Variants in RADIL observed in about 807,000 individuals in gnomAD.
The protein encoded by RADIL is Rap associating with DIL domain.
RADIL carries 99 observed loss-of-function variants against 97.6 expected under a neutral mutation model. The ratio of observed to expected loss-of-function variants is 1.01; its 90% CI spans 0.86 to 1.20. The LOEUF is 1.20. Among genes scored for constraint, RADIL ranks in the 50% most tolerant of loss-of-function variants. The pLI, the probability that RADIL is intolerant of heterozygous loss-of-function variation, is 0.00. For synonymous variants in RADIL, 803 were observed against 691.8 expected (o/e 1.16, Z -2.52); for missense variants, 1,765 against 1,498.9 (o/e 1.18, Z -2.93).
intron 10 of RADIL, chr7:4,805,349 G>A (rs564597187): frequency 1.2e-5 from 6 of 490,278 alleles, no homozygotes; most frequent in Middle Eastern, 5.5e-4. Context: ...ATGGACTCTC[G>A]GCTCCTTGAC....
At chr7:4,852,318 G>A (rs915066820) in intron 2 of RADIL, among the ~76,000 whole-genome samples, 1 of 152,180 alleles carries the variant, frequency 6.6e-6, no homozygotes, top group Non-Finnish European at 1.5e-5. Flanking sequence ...AGGACAGAGG[G>A]CAGAGCTGAG....
Position 4,834,587 on chromosome 7 carries a change from G to T in RADIL, c.1416+20C>A. On this transcript the variant is annotated intron_variant, in intron 4 of 14. Transcript: ENST00000399583. The surrounding 1 kb of genome is among the most constrained non-coding windows in gnomAD (Gnocchi z 6.0). Reference sequence around the variant, plus strand: ...CCCAGACCGGCACAGGACCCAGACCGCCCACCCCAGCACACTGACCCAGAC... The same window carrying T: ...CCCAGACCGGCACAGGACCCAGACCTCCCACCCCAGCACACTGACCCAGAC... 7.6e-7 allele frequency: 1 copy of T among 1,316,134 alleles called. No homozygotes were observed. Among genetic ancestry groups the T allele is most frequent in the East Asian group, 2.8e-5 (1 of 35,424 alleles). The allele number at this position is 1,316,134 out of a possible 1,614,324, so 81.5% of individuals were successfully genotyped here. A position where few individuals can be genotyped will look rare whatever the true frequency, so the allele number is the denominator to read the frequency against.
chr7:4,835,121 C>T lies in RADIL; in HGVS notation c.902G>A (p.Arg301His), dbSNP rs373811916. 3 of 1,609,100 alleles carry T rather than the reference C, an allele frequency of 1.9e-6. No homozygotes were observed. The highest frequency in any genetic ancestry group is 2.7e-5 in the African/African-American group (2 of 74,864). Residue 301 changes from arginine (R) to histidine (H), a missense_variant, in exon 4 of 15, where the codon CGC (arginine) becomes CAC (histidine). By Grantham distance (29) the Arg-to-His change is conservative. Coordinates refer to ENST00000399583, the MANE Select transcript of RADIL (RefSeq NM_018059.5). The surrounding 1 kb of genome is among the most constrained non-coding windows in gnomAD (Gnocchi z 5.8). ...PDILPLHCTI[R>H]RQPLPDSGQA... is the part of the protein sequence containing the mutation. ...GCCGCTGTCCGGGAGCGGTTGCCGGCGGATGGTGCAGTGTAGAGGCAGGAT... is the reference window on the plus strand; with the variant it reads ...GCCGCTGTCCGGGAGCGGTTGCCGGTGGATGGTGCAGTGTAGAGGCAGGAT...
At chr7:4,869,643 G>A (rs775246412) in intron 2 of RADIL, among the ~76,000 whole-genome samples, 1 of 151,800 alleles carries the variant, frequency 6.6e-6, no homozygotes, top group Non-Finnish European at 1.5e-5. Context: ...AATTCCCACA[G>A]GGTATTTGGT....
intron 2 of RADIL, among the ~76,000 whole-genome samples, chr7:4,855,671 T>C (rs1783811430): frequency 6.6e-6 from 1 of 151,722 alleles, no homozygotes; most frequent in South Asian, 2.1e-4. Flanking sequence ...GGTCTCATAT[T>C]GTATTTTCCT....
rs1231744863 is a variant in RADIL at position 4,834,832 on chromosome 7, G to A, written c.1191C>T (p.Ala397=). 3.8e-6 allele frequency: 5 copies of A among 1,315,510 alleles called. No individual in the cohort carries two copies. Among genetic ancestry groups the A allele is most frequent in the East Asian group, 6.2e-5 (2 of 32,200 alleles). The allele number at this position is 1,315,510 out of a possible 1,614,324, so 81.5% of individuals were successfully genotyped here. A position where few individuals can be genotyped will look rare whatever the true frequency, so the allele number is the denominator to read the frequency against. ...GCAGCTGCTGGCGCCGGGGCAGGGC[G>A]GCCTGAGTAGGGGAGGCGGCTCCCC... ...GARGAASPTQ[A]ALPRRQQLLL... is the part of the protein sequence containing the mutation. Residue 397 remains alanine, a synonymous_variant, in exon 4 of 15, where the codon GCC becomes GCT. Transcript: ENST00000399583. The surrounding 1 kb of genome is among the most constrained non-coding windows in gnomAD (Gnocchi z 6.0).
intron 2 of RADIL, among the ~76,000 whole-genome samples, chr7:4,839,048 G>T (rs759988849): frequency 3.4e-4 from 52 of 152,378 alleles, no homozygotes; most frequent in Non-Finnish European, 5.6e-4. Context: ...TGCACGGGAG[G>T]AGAGCTCTGC....
At chr7:4,859,084 C>T (rs1281294201) in intron 2 of RADIL, 1 of 152,146 alleles carries the variant, frequency 6.6e-6, no homozygotes, top group Non-Finnish European at 1.5e-5. Flanking sequence ...CAAAAACATA[C>T]CTTAAAGTTG....
chr7:4,851,511 G>C (rs771443898), intron 2 of RADIL, among the ~76,000 whole-genome samples: 2 of 152,216 alleles, frequency 1.3e-5, no homozygotes, highest in Non-Finnish European at 2.9e-5. Context: ...GCCAGCGAAG[G>C]CTCAGAAGGA....
In RADIL at chr7:4,872,362, G is replaced by A. The variant is rs1040916051; in HGVS notation, c.535+5243C>T. Among the ~76,000 whole-genome samples the A allele has an allele frequency of 6.6e-6, 1 of 152,254 alleles. No homozygotes were observed. Among genetic ancestry groups the A allele is most frequent in the Non-Finnish European group, 1.5e-5 (1 of 68,046 alleles). ...TGCCCCAACCTAAAATGTAACGGGAGGAAGGGAGAAAGCAAGGAAGGCCAG... is the reference window on the plus strand; with the variant it reads ...TGCCCCAACCTAAAATGTAACGGGAAGAAGGGAGAAAGCAAGGAAGGCCAG... On this transcript the variant is annotated intron_variant, in intron 2 of 14. Coordinates refer to ENST00000399583, the MANE Select transcript of RADIL (RefSeq NM_018059.5). The surrounding 1 kb of genome is among the most constrained non-coding windows in gnomAD (Gnocchi z 5.8).
At chr7:4,859,403 C>T (rs1378724118) in intron 2 of RADIL, 1 of 155,692 alleles carries the variant, frequency 6.4e-6, no homozygotes, top group African/African-American at 2.4e-5. Flanking sequence ...ACAAACATAG[C>T]TGAAAGGTTT....
chr7:4,871,259 CTAAGA>C (rs1267715774), intron 2 of RADIL, among the ~76,000 whole-genome samples: 2 of 152,208 alleles, frequency 1.3e-5, no homozygotes, highest in African/African-American at 4.8e-5. Context: ...CTCCACTGTG[CTAAGA>C]TAAGAGTTAT....
chr7:4,848,103 G>A (rs937422357), intron 2 of RADIL, among the ~76,000 whole-genome samples: 3 of 151,870 alleles, frequency 2.0e-5, no homozygotes, highest in Admixed American at 1.3e-4. Context: ...AGGCTGAATC[G>A]GGAGGACTGC....
At position 4,811,557 on chromosome 7, in the gene RADIL, G is replaced by A. The variant is rs1782549502; in HGVS notation, c.2139+3721C>T. On this transcript the variant is annotated intron_variant, in intron 9 of 14. Transcript: ENST00000399583. Reference sequence around the variant, plus strand: ...GGCTGGAGTGCAGTGGCGCAATCTCGGCTCACTGCAAGCTCCGCCTCCCGG... The same window carrying A: ...GGCTGGAGTGCAGTGGCGCAATCTCAGCTCACTGCAAGCTCCGCCTCCCGG... 6.5e-5 allele frequency among the ~76,000 whole-genome samples: 9 copies of A among 139,450 alleles called. No individual in the cohort carries two copies. The South Asian group carries it at 1.8e-3, about 28-fold the overall frequency. 91.5% of individuals were successfully genotyped at this position (139,450 alleles called of 152,430 possible).
At chr7:4,803,970 C>G in intron 10 of RADIL, 1 of 651,498 alleles carries the variant, frequency 1.5e-6, no homozygotes, top group East Asian at 2.8e-5. Context: ...GTGTGACATC[C>G]GAGCAGTTCA....
At chr7:4,869,390 C>T (rs1254977650) in intron 2 of RADIL, among the ~76,000 whole-genome samples, 1 of 152,220 alleles carries the variant, frequency 6.6e-6, no homozygotes, top group Non-Finnish European at 1.5e-5. Flanking sequence ...ACTTCAGCCT[C>T]CCAAAGTGCT....
In RADIL at chr7:4,817,896, C is replaced by T. The variant is rs574705784; in HGVS notation, c.1616-545G>A. Among the ~76,000 whole-genome samples the T allele has an allele frequency of 1.6e-3, 246 of 152,306 alleles. No homozygotes were observed. Among genetic ancestry groups the T allele is most frequent in the Non-Finnish European group, 2.7e-3 (184 of 68,016 alleles). ...GAGCTGCCCACGGAGTGGTTCCTGC[C>T]GTCTGGGTGGGGGCTCTTGTGAAGG... On this transcript the variant is annotated intron_variant, in intron 6 of 14. Coordinates refer to ENST00000399583, the MANE Select transcript of RADIL (RefSeq NM_018059.5). This position sits in a 1 kb window ranked among gnomAD's most constrained non-coding sequence, Gnocchi z 8.3.
In RADIL at chr7:4,801,963, C is replaced by T. The variant is rs1318096257; in HGVS notation, c.2532G>A (p.Leu844=). The change falls in exon 12 of 15, where the codon CTG becomes CTA. Residue 844 remains leucine (L), a synonymous_variant. Transcript: ENST00000399583. ...GAGCCAGGGGGCAGCTCGGGGCCTC[C>T]AGGTGCCCGTCAAGGACCACGTGGT... ...GMHHVVLDGH[L]EAPSCPLAPR... is the part of the protein sequence containing the mutation. 3.9e-6 allele frequency: 6 copies of T among 1,552,626 alleles called. No individual in the cohort carries two copies. Among genetic ancestry groups the T allele is most frequent in the Non-Finnish European group, 5.2e-6 (6 of 1,153,772 alleles).
Position 4,880,407 on chromosome 7 carries a change from C to G in RADIL, c.-64-2204G>C, listed in dbSNP as rs1784460454. ...TGCGGCCTGGCCTGTGCACACCACACCAGCGGCTTCCAATCGCCCTCTAGT... is the reference window on the plus strand; with the variant it reads ...TGCGGCCTGGCCTGTGCACACCACAGCAGCGGCTTCCAATCGCCCTCTAGT... On this transcript the variant is annotated intron_variant, in intron 1 of 14. Transcript: ENST00000399583. This position sits in a 1 kb window ranked among gnomAD's most constrained non-coding sequence, Gnocchi z 4.5. Among the ~76,000 whole-genome samples the G allele has an allele frequency of 6.6e-6, 1 of 152,202 alleles. No homozygotes were observed. Among genetic ancestry groups the G allele is most frequent in the Non-Finnish European group, 1.5e-5 (1 of 68,050 alleles).
Sources: allele counts gnomAD v4.1 joint callset (sites outside exome capture counted in the v4.1 genomes callset), GRCh38; gene constraint gnomAD v4.1.1; non-coding constraint Gnocchi (gnomAD v3.1); transcripts MANE v1.5; gene names NCBI Gene and HGNC (gene_info 2026-07-23, HGNC 2026-07-21).